Variants in ERBB4 observed in about 807,000 individuals in gnomAD.
ERBB4 encodes erb-b2 receptor tyrosine kinase 4.
A neutral mutation model predicts 158.0 loss-of-function variants in ERBB4; 42 were observed. That is an observed-to-expected ratio of 0.27 (90% CI 0.21 to 0.34). The LOEUF (loss-of-function observed/expected upper bound fraction) is 0.34. ERBB4 is among the 10% of genes least tolerant of loss of function. The pLI, the probability that ERBB4 is intolerant of heterozygous loss-of-function variation, is 1.00. For missense variants in ERBB4, 1,333 were observed against 1,624.1 expected (o/e 0.82, Z 3.08); for synonymous variants, 583 against 558.7 (o/e 1.04, Z -0.61).
chr2:212,061,030 C>T (rs2077747723), intron 2 of ERBB4, among the ~76,000 whole-genome samples: 1 of 151,204 alleles, frequency 6.6e-6, no homozygotes. Context: ...GGAATAGATA[C>T]TCTTAATTGA....
chr2:211,947,731 C>A, intron 2 of ERBB4, 115 bp from the exon 3 acceptor site: 1 of 790,424 alleles, frequency 1.3e-6, no homozygotes, highest in Non-Finnish European at 2.1e-6. Context: ...TAGTTTAATA[C>A]ATTATTTTCC....
chr2:212,393,920 C>T (rs1454663953), intron 1 of ERBB4, among the ~76,000 whole-genome samples: 2 of 152,044 alleles, frequency 1.3e-5, no homozygotes, highest in Admixed American at 6.6e-5. Flanking sequence ...TCCCATTTCC[C>T]CTCTGCCAGT....
chr2:211,502,126 C>T (rs1433610017), intron 20 of ERBB4, among the ~76,000 whole-genome samples: 1 of 152,114 alleles, frequency 6.6e-6, no homozygotes, highest in Non-Finnish European at 1.5e-5. Context: ...AATAAACTTT[C>T]TGGACAGTGT....
intron 1 of ERBB4, among the ~76,000 whole-genome samples, chr2:212,446,099 T>C (rs766247727): frequency 1.2e-4 from 19 of 152,294 alleles, no homozygotes; most frequent in South Asian, 6.2e-4. Context: ...GAAGGATAGT[T>C]GTATTATGTT....
intron 1 of ERBB4, among the ~76,000 whole-genome samples, chr2:212,473,994 T>G (rs983619842): frequency 6.6e-6 from 1 of 152,126 alleles, no homozygotes; most frequent in Non-Finnish European, 1.5e-5. Context: ...ATTCAACCAA[T>G]TGTAGAAAAT....
At chr2:212,429,897 G>T (rs1159310507) in intron 1 of ERBB4, among the ~76,000 whole-genome samples, 3 of 152,084 alleles carry the variant, frequency 2.0e-5, no homozygotes, top group African/African-American at 4.8e-5. Flanking sequence ...GAATTAATAG[G>T]TTCTTTTAAT....
chr2:211,661,901 T>C (rs1415270133), intron 15 of ERBB4, among the ~76,000 whole-genome samples: 31 of 147,014 alleles, frequency 2.1e-4, no homozygotes, highest in Non-Finnish European at 3.9e-4. Flanking sequence ...TAGCCGGGCG[T>C]AGTGGCGGGC....
At chr2:211,657,368 G>A (rs973594902) in intron 16 of ERBB4, among the ~76,000 whole-genome samples, 1 of 151,942 alleles carries the variant, frequency 6.6e-6, no homozygotes, top group African/African-American at 2.4e-5. Context: ...AATTAGCCAG[G>A]CATGGTGGTG....
chr2:212,087,368 C>T (rs1575613718), intron 2 of ERBB4, among the ~76,000 whole-genome samples: 1 of 152,028 alleles, frequency 6.6e-6, no homozygotes, highest in Admixed American at 6.6e-5. Flanking sequence ...TTAATGCAAA[C>T]CAATGAACAC....
intron 18 of ERBB4, among the ~76,000 whole-genome samples, chr2:211,622,990 A>AATATATATATAT (rs1165877419): frequency 4.6e-5 from 1 of 21,868 alleles, no homozygotes; most frequent in Non-Finnish European, 7.3e-5. Context: ...AAAAAAAAAA[A>AATATATATATAT]ATATATATAT....
At chr2:211,975,238 G>A (rs994688025) in intron 2 of ERBB4, among the ~76,000 whole-genome samples, 2 of 152,152 alleles carry the variant, frequency 1.3e-5, no homozygotes, top group South Asian at 2.1e-4. Context: ...CGCCTCCACC[G>A]CCCAAAGTAC....
intron 3 of ERBB4, among the ~76,000 whole-genome samples, chr2:211,876,459 T>C (rs2078504470): frequency 6.6e-6 from 1 of 152,158 alleles, no homozygotes; most frequent in African/African-American, 2.4e-5. Flanking sequence ...CCAGATTATA[T>C]AGAGCAATTA....
intron 20 of ERBB4, among the ~76,000 whole-genome samples, chr2:211,457,711 T>C (rs1291221021): frequency 6.6e-6 from 1 of 152,226 alleles, no homozygotes; most frequent in African/African-American, 2.4e-5. Context: ...GTGATGTGGA[T>C]TCTTCCTGCT....
intron 3 of ERBB4, among the ~76,000 whole-genome samples, chr2:211,895,380 C>T (rs2079071381): frequency 6.6e-6 from 1 of 152,256 alleles, no homozygotes; most frequent in South Asian, 2.1e-4. Context: ...GACTCAGCTT[C>T]CCAAGTAGCT....
chr2:211,716,216 G>T (rs984901596), intron 7 of ERBB4, among the ~76,000 whole-genome samples: 1 of 151,732 alleles, frequency 6.6e-6, no homozygotes, highest in Non-Finnish European at 1.5e-5. Context: ...TACAAAATTA[G>T]CCAGGCATGG....
rs148929858 is a variant in ERBB4, at chr2:212,211,629, A to AAAACC, written c.83-86727_83-86726insGGTTT. 2.2e-3 allele frequency among the ~76,000 whole-genome samples: 330 copies of AAAACC among 148,502 alleles called. 1 individual carries two copies. The highest frequency in any genetic ancestry group is 3.7e-3 in the Non-Finnish European group (247 of 67,322). On this transcript the variant is annotated intron_variant, in intron 1 of 27. Coordinates refer to ENST00000342788, the MANE Select transcript of ERBB4 (RefSeq NM_005235.3). ...TAAAAAATTTATCTAAAAAAAAAAAATGGATACATGTATAGAATGTGCAGG... is the reference window on the plus strand; with the variant it reads ...TAAAAAATTTATCTAAAAAAAAAAAAAAACCTGGATACATGTATAGAATGTGCAGG...
intron 4 of ERBB4, among the ~76,000 whole-genome samples, chr2:211,780,395 T>G (rs187361062): frequency 2.3e-4 from 35 of 151,924 alleles, no homozygotes; most frequent in African/African-American, 8.0e-4. Flanking sequence ...GAAAAGAAAA[T>G]AAAGATGTAT....
chr2:212,238,154 G>A (rs1205324942), intron 1 of ERBB4, among the ~76,000 whole-genome samples: 3 of 152,226 alleles, frequency 2.0e-5, no homozygotes, highest in African/African-American at 7.2e-5. Context: ...TTAGCTGGGT[G>A]TCTGCCCAAA....
chr2:212,447,142 AC>A (rs780992013), intron 1 of ERBB4, among the ~76,000 whole-genome samples: 57 of 151,796 alleles, frequency 3.8e-4, no homozygotes, highest in Admixed American at 8.5e-4. Flanking sequence ...GACTACAGGC[AC>A]CCGCCACCAT....
Sources: allele counts gnomAD v4.1 joint callset (sites outside exome capture counted in the v4.1 genomes callset), GRCh38; gene constraint gnomAD v4.1.1; transcripts MANE v1.5; gene names NCBI Gene and HGNC (gene_info 2026-07-23, HGNC 2026-07-21).